Variants in ROBO2 observed in about 807,000 individuals in gnomAD.
ROBO2 encodes roundabout homolog 2.
In ROBO2, 53 loss-of-function variants were observed where a neutral mutation model predicts 160.8. That is an observed-to-expected ratio of 0.33 (90% CI 0.26 to 0.41). The LOEUF is 0.41. Among genes scored for constraint, ROBO2 ranks in the 10% least tolerant of loss-of-function variants. ROBO2 has a pLI of 1.00. For synonymous variants in ROBO2, 664 were observed against 611.7 expected, an observed-to-expected ratio of 1.09 and a Z score of -1.26; for missense variants, 1,577 against 1,722.4, an observed-to-expected ratio of 0.92 and a Z score of 1.49.
chr3:76,477,178 T>A (rs1362434016), intron 2 of ROBO2, among the ~76,000 whole-genome samples: 2 of 152,198 alleles, frequency 1.3e-5, no homozygotes, highest in African/African-American at 4.8e-5. Flanking sequence ...TGAATTCTTC[T>A]GCTGCTGATC....
intron 2 of ROBO2, among the ~76,000 whole-genome samples, chr3:76,362,170 G>C (rs768204439): frequency 6.6e-6 from 1 of 151,968 alleles, no homozygotes; most frequent in Non-Finnish European, 1.5e-5. Context: ...TTTGAGACCA[G>C]CCTGGTCAAC....
chr3:76,693,988 A>G (rs567571479), intron 2 of ROBO2, among the ~76,000 whole-genome samples: 1 of 152,248 alleles, frequency 6.6e-6, no homozygotes, highest in East Asian at 1.9e-4. Flanking sequence ...CTAACACCTA[A>G]AACTAACCAT....
At chr3:77,529,773 AT>A (rs1225453954) in intron 6 of ROBO2, among the ~76,000 whole-genome samples, 4 of 151,902 alleles carry the variant, frequency 2.6e-5, no homozygotes, top group Non-Finnish European at 4.4e-5. Context: ...GAAGTCTGTC[AT>A]TTCATAAATC....
chr3:77,220,008 T>C (rs2085567958), intron 2 of ROBO2, among the ~76,000 whole-genome samples: 1 of 151,834 alleles, frequency 6.6e-6, no homozygotes, highest in African/African-American at 2.4e-5. Flanking sequence ...TTCTGTTTTT[T>C]TGTTTGTCTT....
chr3:76,331,690 ATTTT>A, intron 2 of ROBO2, among the ~76,000 whole-genome samples: 1 of 144,366 alleles, frequency 6.9e-6, no homozygotes. Flanking sequence ...TAATATTTGA[ATTTT>A]TTTTTTTTTT....
chr3:76,165,437 A>G (rs1022854629), intron 2 of ROBO2, among the ~76,000 whole-genome samples: 16 of 152,072 alleles, frequency 1.1e-4, no homozygotes, highest in African/African-American at 3.9e-4. Context: ...GCTTAAGGAA[A>G]TGTTGTGGCT....
At chr3:76,438,303 T>A (rs1486582320) in intron 2 of ROBO2, among the ~76,000 whole-genome samples, 1 of 152,024 alleles carries the variant, frequency 6.6e-6, no homozygotes, top group Non-Finnish European at 1.5e-5. Context: ...CTTTAATTTG[T>A]GCTGTATTTA....
At chr3:77,197,316 G>A (rs1229403817) in intron 2 of ROBO2, among the ~76,000 whole-genome samples, 1 of 152,166 alleles carries the variant, frequency 6.6e-6, no homozygotes, top group East Asian at 1.9e-4. Flanking sequence ...CTTCATTAAT[G>A]AGCAATAGAC....
chr3:77,113,038 T>G (rs1040697834), intron 2 of ROBO2, among the ~76,000 whole-genome samples: 5 of 152,218 alleles, frequency 3.3e-5, no homozygotes, highest in Non-Finnish European at 7.3e-5. Context: ...AATAATTTTC[T>G]TAAACTTAGC....
chr3:76,657,278 A>T (rs1235357452), intron 2 of ROBO2, among the ~76,000 whole-genome samples: 1 of 151,778 alleles, frequency 6.6e-6, no homozygotes, highest in Non-Finnish European at 1.5e-5. Flanking sequence ...ACAAAAAATT[A>T]TCTGGGCTTG....
At chr3:77,433,510 A>ATATATATATATATATATATATATATATG (rs1553954820) in intron 2 of ROBO2, among the ~76,000 whole-genome samples, 5 of 129,124 alleles carry the variant, frequency 3.9e-5, no homozygotes, top group Non-Finnish European at 6.6e-5. Context: ...ATATATATAT[A>ATATATATATATATATATATATATATATG]TATATATATT....
chr3:77,125,075 A>G (rs755243566), intron 2 of ROBO2, among the ~76,000 whole-genome samples: 12 of 152,190 alleles, frequency 7.9e-5, no homozygotes, highest in Non-Finnish European at 1.3e-4. Context: ...TTTAAGATAT[A>G]TAATTTAAAT....
At chr3:77,635,086 G>A (rs775197902) in intron 24 of ROBO2, 43 bp downstream of exon 25, 98 of 1,592,560 alleles carry the variant, frequency 6.2e-5, no homozygotes, top group Non-Finnish European at 8.2e-5. Context: ...CTGAAGAGAC[G>A]TGCTCCATGC....
Position 76,032,519 on chromosome 3 carries a change from C to G in ROBO2, c.109+94917C>G, listed in dbSNP as rs566752721. The stretch of plus-strand genomic sequence containing the variant: ...AGTGCTATAAATTTCCCTCTACGCA[C>G]TGCTTTAAGTGTGTCCCAGAAATTC... On this transcript the variant is annotated intron_variant, in intron 2 of 26. Coordinates refer to the ROBO2 transcript ENST00000487694. Among the ~76,000 whole-genome samples the G allele has an allele frequency of 2.1e-4, 32 of 152,280 alleles. No individual in the cohort carries two copies. The South Asian group carries it at 3.7e-3, about 18-fold the overall frequency.
In ROBO2 at chr3:75,997,416, G is replaced by A. The variant is rs1318931943; in HGVS notation, c.109+59814G>A. Among the ~76,000 whole-genome samples the A allele has an allele frequency of 2.0e-5, 3 of 151,806 alleles. No individual in the cohort carries two copies. In the East Asian group the frequency reaches 5.8e-4, roughly 29 times the overall value. ...AATATATCTCTGCAAAAGAACTTTT[G>A]GAAATAATTTCTTTGGTGTGTCTGA... On this transcript the variant is annotated intron_variant, in intron 2 of 26. Coordinates refer to the ROBO2 transcript ENST00000487694.
rs191571559 is a variant in ROBO2 at position 76,013,533 on chromosome 3, G to A, written c.109+75931G>A. Reference sequence around the variant, plus strand: ...GGAGGCTGGGCACTGTGGTTTATGCGTGTAATCCCAGAAGTAATATGTATA... The same window carrying A: ...GGAGGCTGGGCACTGTGGTTTATGCATGTAATCCCAGAAGTAATATGTATA... On this transcript the variant is annotated intron_variant, in intron 2 of 26. Coordinates refer to the ROBO2 transcript ENST00000487694. Among the ~76,000 whole-genome samples, 293 of 150,780 alleles carry A rather than the reference G, an allele frequency of 1.9e-3. 2 individuals are homozygous for A. The highest frequency in any genetic ancestry group is 6.9e-3 in the African/African-American group (283 of 40,998).
intron 2 of ROBO2, among the ~76,000 whole-genome samples, chr3:76,150,815 A>AT (rs1353163189): frequency 6.6e-6 from 1 of 152,084 alleles, no homozygotes; most frequent in African/African-American, 2.4e-5. Flanking sequence ...TACTTGTAGC[A>AT]TTTTTCTAAA....
At chr3:77,183,493 C>A (rs2080991979) in intron 2 of ROBO2, among the ~76,000 whole-genome samples, 1 of 152,068 alleles carries the variant, frequency 6.6e-6, no homozygotes, top group East Asian at 1.9e-4. Flanking sequence ...GAAATTAGAA[C>A]ACAAACACAC....
intron 2 of ROBO2, among the ~76,000 whole-genome samples, chr3:77,260,871 TG>T (rs1315140179): frequency 6.6e-6 from 1 of 152,070 alleles, no homozygotes; most frequent in Non-Finnish European, 1.5e-5. Flanking sequence ...CCTCACCTTT[TG>T]GGGGTGGCTT....
Sources: allele counts gnomAD v4.1 joint callset (sites outside exome capture counted in the v4.1 genomes callset), GRCh38; gene constraint gnomAD v4.1.1; transcripts MANE v1.5; gene names NCBI Gene and HGNC (gene_info 2026-07-23, HGNC 2026-07-21).